Variants in GLRX3 observed in about 807,000 individuals in gnomAD.
GLRX3 encodes glutaredoxin 3.
In GLRX3, 22 loss-of-function variants were observed where a neutral mutation model predicts 49.5. The observed-to-expected ratio is 0.44, with a 90% CI of 0.32 to 0.63. The LOEUF (loss-of-function observed/expected upper bound fraction) is 0.63, where lower values mean the gene tolerates loss of function less well. GLRX3 is among the 30% of genes least tolerant of loss of function. GLRX3 has a pLI of 0.05. For synonymous variants in GLRX3, 133 were observed against 140.0 expected (o/e 0.95, Z 0.35); for missense variants, 385 against 396.3 (o/e 0.97, Z 0.24).
chr10:130,166,900 G>A lies in GLRX3; in HGVS notation c.652-19G>A, dbSNP rs1265044036. 1 of 1,515,992 alleles carries A rather than the reference G, an allele frequency of 6.6e-7. No individual in the cohort carries two copies. Among genetic ancestry groups the A allele is most frequent in the South Asian group, 1.2e-5 (1 of 84,278 alleles). The allele number at this position is 1,515,992 out of a possible 1,614,324, so 93.9% of individuals were successfully genotyped here. ...TATAATAATTTTTTTCATAAAACTG[G>A]TATGTGTGCTTATTTTAGGAGCTAG... On this transcript the variant is annotated intron_variant, in intron 5 of 10. Coordinates refer to ENST00000331244, the MANE Select transcript of GLRX3 (RefSeq NM_006541.5).
chr10:130,160,906 TAAAG>T lies in GLRX3; in HGVS notation c.390_393del (p.Glu131IlefsTer6), dbSNP rs766882682. 6.2e-7 allele frequency: 1 copy of T among 1,613,496 alleles called. No homozygotes were observed. The highest frequency in any genetic ancestry group is 2.2e-5 in the East Asian group (1 of 44,870). On this transcript the variant is annotated frameshift_variant, in exon 4 of 11. Coordinates refer to ENST00000331244, the MANE Select transcript of GLRX3 (RefSeq NM_006541.5). LOFTEE classifies it high-confidence loss of function. ...TCCTACCCAGCGCTAATGAACATCT[TAAAG>T]AAGATCTCAACCTTCGCTTGAAGAA... is the stretch of plus-strand genomic sequence containing the variant.
At chr10:130,144,065 T>C (rs1443032996) in intron 1 of GLRX3, among the ~76,000 whole-genome samples, 1 of 152,206 alleles carries the variant, frequency 6.6e-6, no homozygotes, top group Non-Finnish European at 1.5e-5. Flanking sequence ...AGCAGTTCTA[T>C]TCTTTTCCTC....
rs546404338 is a variant in GLRX3 at position 130,139,053 on chromosome 10, G to A, written c.92+2541G>A. 2.0e-5 allele frequency among the ~76,000 whole-genome samples: 3 copies of A among 151,714 alleles called. No homozygotes were observed. In the South Asian group the frequency reaches 6.2e-4, roughly 32 times the overall value. ...ATTTTTGCATTTTTAGTAGAGATGGGTTTCACCATGTTGGCCAGGCTGGTC... is the reference window on the plus strand; with the variant it reads ...ATTTTTGCATTTTTAGTAGAGATGGATTTCACCATGTTGGCCAGGCTGGTC... On this transcript the variant is annotated intron_variant, in intron 1 of 10. Transcript: ENST00000331244.
chr10:130,139,476 A>G (rs918797871), intron 1 of GLRX3, among the ~76,000 whole-genome samples: 4 of 151,914 alleles, frequency 2.6e-5, no homozygotes, highest in Admixed American at 6.5e-5. Context: ...CGTCTTTACT[A>G]AAGAAAATAC....
intron 2 of GLRX3, among the ~76,000 whole-genome samples, chr10:130,151,114 G>C (rs1202742428): frequency 6.6e-6 from 1 of 152,100 alleles, no homozygotes; most frequent in Non-Finnish European, 1.5e-5. Flanking sequence ...TTTTAGTAGA[G>C]ACGGGGTTTC....
intron 4 of GLRX3, among the ~76,000 whole-genome samples, chr10:130,164,247 G>T (rs1862638402): frequency 6.6e-6 from 1 of 152,126 alleles, no homozygotes; most frequent in South Asian, 2.1e-4. Context: ...CATGAAGATG[G>T]GAAAATGCTT....
At chr10:130,162,040 G>A (rs182479049) in intron 4 of GLRX3, among the ~76,000 whole-genome samples, 2 of 152,196 alleles carry the variant, frequency 1.3e-5, no homozygotes, top group African/African-American at 2.4e-5. Context: ...GCAATGGCAC[G>A]ATCTCAGTGC....
Position 130,158,337 on chromosome 10 carries a change from C to T in GLRX3, c.202-1658C>T, listed in dbSNP as rs113157322. On this transcript the variant is annotated intron_variant, in intron 2 of 10. Transcript: ENST00000331244. Reference sequence around the variant, plus strand: ...AAGCGATTCTCCCGCCTCAGCATCCCGAGTAGCCGGGATTACAGGCACCCG... The same window carrying T: ...AAGCGATTCTCCCGCCTCAGCATCCTGAGTAGCCGGGATTACAGGCACCCG... Among the ~76,000 whole-genome samples, 380 of 152,176 alleles carry T rather than the reference C, an allele frequency of 2.5e-3. 1 individual carries two copies. Among genetic ancestry groups the T allele is most frequent in the Non-Finnish European group, 4.0e-3 (274 of 68,012 alleles).
At chr10:130,149,888 T>C (rs952347024) in intron 2 of GLRX3, among the ~76,000 whole-genome samples, 12 of 146,100 alleles carry the variant, frequency 8.2e-5, no homozygotes, top group African/African-American at 3.0e-4. Context: ...GACTAGATGG[T>C]GAGATACTTG....
intron 2 of GLRX3, among the ~76,000 whole-genome samples, chr10:130,149,357 A>AT (rs1862327641): frequency 6.6e-6 from 1 of 151,592 alleles, no homozygotes; most frequent in Admixed American, 6.6e-5. Flanking sequence ...CAGGAGAATC[A>AT]TTTCAACCCA....
intron 2 of GLRX3, 32 bp downstream of exon 2, chr10:130,145,351 A>G: frequency 1.0e-6 from 1 of 998,792 alleles, no homozygotes; most frequent in South Asian, 1.3e-5. Flanking sequence ...GTCTTTTGTG[A>G]ATTTAATTCT....
chr10:130,163,558 A>C (rs762827840), intron 4 of GLRX3, among the ~76,000 whole-genome samples: 1 of 152,132 alleles, frequency 6.6e-6, no homozygotes. Context: ...CTTCTATATA[A>C]TTTTTATAAC....
intron 6 of GLRX3, among the ~76,000 whole-genome samples, chr10:130,168,279 A>G (rs1392067427): frequency 2.0e-5 from 3 of 152,178 alleles, no homozygotes; most frequent in Non-Finnish European, 2.9e-5. Flanking sequence ...GGTTCCCTGT[A>G]TCCAGGTGAC....
chr10:130,165,121 T>C (rs1862656065), intron 4 of GLRX3, among the ~76,000 whole-genome samples: 1 of 152,202 alleles, frequency 6.6e-6, no homozygotes, highest in Admixed American at 6.5e-5. Flanking sequence ...CAATTAATCT[T>C]ATATTGAATT....
chr10:130,175,348 T>G (rs970023377), intron 10 of GLRX3, among the ~76,000 whole-genome samples: 1 of 152,190 alleles, frequency 6.6e-6, no homozygotes, highest in Non-Finnish European at 1.5e-5. Flanking sequence ...ATCTTCCCTG[T>G]CACTCAGGGT....
intron 1 of GLRX3, among the ~76,000 whole-genome samples, chr10:130,139,348 A>C (rs1042018293): frequency 6.6e-6 from 1 of 150,472 alleles, no homozygotes; most frequent in African/African-American, 2.4e-5. Flanking sequence ...GGAGACATTT[A>C]AGAATATTAG....
At chr10:130,177,086 G>A (rs1191416048) in intron 10 of GLRX3, among the ~76,000 whole-genome samples, 3 of 152,182 alleles carry the variant, frequency 2.0e-5, no homozygotes, top group Non-Finnish European at 4.4e-5. Context: ...ATATGGAATA[G>A]ATCTTACGAT....
chr10:130,146,037 C>T (rs548860458), intron 2 of GLRX3, among the ~76,000 whole-genome samples: 3 of 152,280 alleles, frequency 2.0e-5, no homozygotes, highest in African/African-American at 7.2e-5. Flanking sequence ...TCGTGATCTG[C>T]TCACCTTGGC....
intron 4 of GLRX3, among the ~76,000 whole-genome samples, chr10:130,163,307 A>C (rs962952077): frequency 6.6e-6 from 1 of 152,138 alleles, no homozygotes. Context: ...CTGTAATTCC[A>C]GCCACTTGGG....
Sources: allele counts gnomAD v4.1 joint callset (sites outside exome capture counted in the v4.1 genomes callset), GRCh38; gene constraint gnomAD v4.1.1; transcripts MANE v1.5; gene names NCBI Gene and HGNC (gene_info 2026-07-23, HGNC 2026-07-21).